The following MED12L variants were observed in gnomAD, a reference collection of about 807,000 sequenced individuals.
MED12L encodes the protein mediator of RNA polymerase II transcription subunit 12-like protein.
MED12L carries 60 observed loss-of-function variants against 281.3 expected under a neutral mutation model. The ratio of observed to expected loss-of-function variants is 0.21; its 90% CI spans 0.17 to 0.26. The LOEUF (loss-of-function observed/expected upper bound fraction) is 0.26. Ranked by LOEUF, MED12L falls within the 10% of genes least tolerant of loss-of-function variation. The pLI, the probability that MED12L is intolerant of heterozygous loss-of-function variation, is 1.00. For synonymous variants in MED12L, 974 were observed against 987.2 expected (o/e 0.99, Z 0.25); for missense variants, 2,146 against 2,680.9 (o/e 0.80, Z 4.41).
At chr3:151,190,620 G>A in intron 13 of MED12L, 97 bp from the exon 14 acceptor site, 1 of 1,117,292 alleles carries the variant, frequency 9.0e-7, no homozygotes, top group Non-Finnish European at 1.3e-6. Flanking sequence ...CCCCAGAAAA[G>A]TTGATTGTGA....
chr3:151,165,357 C>A, intron 9 of MED12L, 63 bp from the exon 10 acceptor site: 3 of 1,338,146 alleles, frequency 2.2e-6, no homozygotes, highest in Non-Finnish European at 3.2e-6. Context: ...AAAAACCTGA[C>A]ATGATTTAGA....
chr3:151,162,815 T>A lies in MED12L; in HGVS notation c.1108-1078T>A, dbSNP rs149908571. On this transcript the variant is annotated intron_variant, in intron 8 of 44. Transcript: ENST00000687756. ...GCACAAGAGCATAATGGCTTAGATATACACTTTAAAGCTGTTACAGACCTG... is the reference window on the plus strand; with the variant it reads ...GCACAAGAGCATAATGGCTTAGATAAACACTTTAAAGCTGTTACAGACCTG... Among the ~76,000 whole-genome samples, 210 of 152,346 alleles carry A rather than the reference T, an allele frequency of 1.4e-3. 1 individual carries two copies. The highest frequency in any genetic ancestry group is 2.0e-3 in the Admixed American group (30 of 15,310).
intron 5 of MED12L, among the ~76,000 whole-genome samples, chr3:151,139,555 C>T (rs1249194939): frequency 6.6e-6 from 1 of 152,076 alleles, no homozygotes; most frequent in Non-Finnish European, 1.5e-5. Flanking sequence ...TAGATTCTGC[C>T]AAGTTTTCCT....
At chr3:151,375,627 A>G (rs918327807) in intron 27 of MED12L, among the ~76,000 whole-genome samples, 1 of 152,194 alleles carries the variant, frequency 6.6e-6, no homozygotes, top group Non-Finnish European at 1.5e-5. Flanking sequence ...ACTATGTTGT[A>G]TCTAGTCAGT....
intron 42 of MED12L, among the ~76,000 whole-genome samples, chr3:151,414,394 AG>A (rs1439602623): frequency 2.6e-5 from 4 of 152,244 alleles, no homozygotes; most frequent in Non-Finnish European, 5.9e-5. Context: ...GGAGTGCCCA[AG>A]GGCTGTACTC....
At chr3:151,148,843 T>C (rs1718082938) in intron 5 of MED12L, among the ~76,000 whole-genome samples, 1 of 152,230 alleles carries the variant, frequency 6.6e-6, no homozygotes. Context: ...TACACATACA[T>C]TTACAAGGAA....
At chr3:151,273,404 T>A (rs1741331967) in intron 16 of MED12L, among the ~76,000 whole-genome samples, 1 of 142,328 alleles carries the variant, frequency 7.0e-6, no homozygotes, top group South Asian at 2.3e-4. Context: ...ATTTTTGTAT[T>A]TTTTTTTTTT....
chr3:151,383,901 C>T lies in MED12L; in HGVS notation c.4790+13C>T. 1 of 1,602,208 alleles carries T rather than the reference C, an allele frequency of 6.2e-7. No individual in the cohort carries two copies. The highest frequency in any genetic ancestry group is 8.5e-7 in the Non-Finnish European group (1 of 1,170,108). On this transcript the variant is annotated intron_variant, in intron 34 of 44. Transcript: ENST00000687756. ...TGCACACTAACAAGTATGTTTTTATCACTTCACATTGATTTTGCTACATGT... is the reference window on the plus strand; with the variant it reads ...TGCACACTAACAAGTATGTTTTTATTACTTCACATTGATTTTGCTACATGT...
intron 16 of MED12L, among the ~76,000 whole-genome samples, chr3:151,244,471 A>AACC (rs1358170811): frequency 1.4e-5 from 2 of 146,272 alleles, no homozygotes; most frequent in African/African-American, 5.0e-5. Flanking sequence ...TCTCACTCAA[A>AACC]ACCACTCAAC....
At chr3:151,260,802 T>A (rs934896945) in intron 16 of MED12L, among the ~76,000 whole-genome samples, 9 of 152,350 alleles carry the variant, frequency 5.9e-5, no homozygotes, top group Non-Finnish European at 1.2e-4. Flanking sequence ...TGTAATCTTT[T>A]TTTTTCTCTT....
At chr3:151,248,355 G>T (rs1046224022) in intron 16 of MED12L, among the ~76,000 whole-genome samples, 7 of 152,066 alleles carry the variant, frequency 4.6e-5, no homozygotes, top group African/African-American at 1.7e-4. Flanking sequence ...AGACATCACA[G>T]CTGCCTTGCA....
chr3:151,386,476 GTC>G (rs1402330273), intron 36 of MED12L, among the ~76,000 whole-genome samples: 1 of 151,716 alleles, frequency 6.6e-6, no homozygotes, highest in Non-Finnish European at 1.5e-5. Context: ...TGCAACCTCT[GTC>G]TCTCGGGTTC....
At chr3:151,253,619 TG>T (rs1737253109) in intron 16 of MED12L, among the ~76,000 whole-genome samples, 1 of 152,174 alleles carries the variant, frequency 6.6e-6, no homozygotes, top group African/African-American at 2.4e-5. Context: ...GTATCACAGA[TG>T]GTGATGGCTG....
chr3:151,209,661 A>G (rs1353289586), intron 16 of MED12L, among the ~76,000 whole-genome samples: 1 of 152,182 alleles, frequency 6.6e-6, no homozygotes, highest in African/African-American at 2.4e-5. Flanking sequence ...GTATAATATT[A>G]TCTCTTGATG....
At chr3:151,372,876 A>T (rs544205200) in intron 27 of MED12L, 110 bp downstream of exon 27, 1 of 736,764 alleles carries the variant, frequency 1.4e-6, no homozygotes, top group African/African-American at 1.8e-5. Flanking sequence ...TTTCTTGCTC[A>T]CTTTATTTCG....
At chr3:151,312,295 T>G (rs1036838776) in intron 16 of MED12L, among the ~76,000 whole-genome samples, 1 of 152,200 alleles carries the variant, frequency 6.6e-6, no homozygotes, top group Non-Finnish European at 1.5e-5. Flanking sequence ...TGGATCTCTC[T>G]TTTTAGTTCT....
intron 27 of MED12L, 34 bp from the exon 28 acceptor site, chr3:151,375,992 G>A (rs747260435): frequency 8.8e-7 from 1 of 1,132,178 alleles, no homozygotes; most frequent in Non-Finnish European, 1.2e-6. Context: ...CCGAAAGCCA[G>A]TGCCTGTCAA....
chr3:151,272,959 T>C (rs911267692), intron 16 of MED12L, among the ~76,000 whole-genome samples: 1 of 152,184 alleles, frequency 6.6e-6, no homozygotes, highest in Non-Finnish European at 1.5e-5. Context: ...AGTGCTTCAA[T>C]ATCCGAAACT....
At chr3:151,375,754 C>T (rs1756771801) in intron 27 of MED12L, among the ~76,000 whole-genome samples, 1 of 152,032 alleles carries the variant, frequency 6.6e-6, no homozygotes, top group Non-Finnish European at 1.5e-5. Context: ...CCTTACTTTC[C>T]AGTTAAAAAC....
Sources: gnomAD v4.1 joint callset for allele counts (sites outside exome capture counted in the v4.1 genomes callset) on GRCh38, gnomAD v4.1.1 for gene constraint, MANE v1.5 for transcripts, NCBI Gene and HGNC (gene_info 2026-07-23, HGNC 2026-07-21) for gene names.